OSBPL10: variants seen among roughly 807,000 people sequenced by gnomAD.
The protein encoded by OSBPL10 is oxysterol binding protein like 10, also known as oxysterol-binding protein-related protein 10.
Under a neutral mutation model 81.7 loss-of-function variants are expected in OSBPL10, and 49 were observed. That is an observed-to-expected ratio of 0.60 (90% confidence interval 0.48 to 0.76). The LOEUF (loss-of-function observed/expected upper bound fraction) is 0.76, where lower values mean the gene tolerates loss of function less well. Ranked by LOEUF, OSBPL10 falls within the 30% of genes least tolerant of loss-of-function variation. OSBPL10 has a pLI of 0.00. For missense variants in OSBPL10, 923 were observed against 987.8 expected, an observed-to-expected ratio of 0.93 and a Z score of 0.88; for synonymous variants, 419 against 383.6, an observed-to-expected ratio of 1.09 and a Z score of -1.08.
intron 2 of OSBPL10, among the ~76,000 whole-genome samples, chr3:32,021,938 C>T (rs926392007): frequency 6.1e-5 from 9 of 148,718 alleles, no homozygotes; most frequent in Admixed American, 1.3e-4. Context: ...CATGGTCGTG[C>T]TACTGCACTC....
At chr3:31,874,765 C>A (rs1043574435) in intron 3 of OSBPL10, among the ~76,000 whole-genome samples, 3 of 152,032 alleles carry the variant, frequency 2.0e-5, no homozygotes, top group African/African-American at 7.2e-5. Context: ...GTACAAATAA[C>A]GGCAACCGTT....
At chr3:31,831,787 G>T (rs1355451303) in intron 3 of OSBPL10, among the ~76,000 whole-genome samples, 1 of 152,096 alleles carries the variant, frequency 6.6e-6, no homozygotes, top group African/African-American at 2.4e-5. Flanking sequence ...AGGTAAAAAA[G>T]GTGGCAAAAC....
intron 3 of OSBPL10, among the ~76,000 whole-genome samples, chr3:31,843,655 T>C (rs1003218990): frequency 4.6e-5 from 7 of 152,172 alleles, no homozygotes; most frequent in African/African-American, 1.4e-4. Context: ...CCCCAATTTA[T>C]TCTCTCTATA....
At chr3:31,725,609 A>T (rs17028131) in intron 6 of OSBPL10, among the ~76,000 whole-genome samples, 14,869 of 152,252 alleles carry the variant, frequency 0.098, 1,794 homozygotes, top group African/African-American at 0.29. Context: ...TCAAGGCCAC[A>T]GATGAGGAAT....
chr3:31,792,858 CTCTGTGTGTGTGTGTGTGTGTGTGTGTG>C (rs1699064628), intron 4 of OSBPL10, among the ~76,000 whole-genome samples: 1 of 85,952 alleles, frequency 1.2e-5, no homozygotes, highest in African/African-American at 4.1e-5. Context: ...TATCTAGGCA[CTCTGTGTGTGTGTGTGTGTGTGTGTGTG>C]TGTGTGTGTG....
At position 31,660,974 on chromosome 3, in the gene OSBPL10, ATAAAT is replaced by A. The variant is rs1027135297; in HGVS notation, c.*1093_*1097del. 4.6e-5 allele frequency: 7 copies of A among 152,726 alleles called. No homozygotes were observed. Among genetic ancestry groups the A allele is most frequent in the African/African-American group, 1.2e-4 (5 of 41,598 alleles). The allele number at this position is 152,726 out of a possible 1,614,324, so 9.5% of individuals were successfully genotyped here. ...AAATATTGGAGTGGCACAGTAAAAAATAAATTAAGCATTCAGCAAAAACCAGATAT... is the reference window on the plus strand; with the variant it reads ...AAATATTGGAGTGGCACAGTAAAAAATAAGCATTCAGCAAAAACCAGATAT... On this transcript the variant is annotated 3_prime_UTR_variant, in exon 12 of 12. Transcript: ENST00000396556.
At chr3:31,978,851 C>G (rs1439437002) in intron 1 of OSBPL10, among the ~76,000 whole-genome samples, 2 of 152,222 alleles carry the variant, frequency 1.3e-5, no homozygotes, top group East Asian at 3.8e-4. Flanking sequence ...TGTGCTTCTT[C>G]TCAACCTTGC....
chr3:31,723,070 G>A (rs563673711), intron 6 of OSBPL10, among the ~76,000 whole-genome samples: 4 of 152,186 alleles, frequency 2.6e-5, no homozygotes, highest in Admixed American at 6.5e-5. Flanking sequence ...CTTCTCCTTC[G>A]CATGGCTGTA....
chr3:32,010,583 G>A (rs556187798), intron 2 of OSBPL10, among the ~76,000 whole-genome samples: 131 of 152,258 alleles, frequency 8.6e-4, no homozygotes, highest in African/African-American at 1.7e-3. Flanking sequence ...GGGGATTGTC[G>A]GACAGTGGGT....
At chr3:31,696,908 T>C (rs1208175451) in intron 7 of OSBPL10, among the ~76,000 whole-genome samples, 3 of 152,232 alleles carry the variant, frequency 2.0e-5, no homozygotes, top group Non-Finnish European at 2.9e-5. Flanking sequence ...TCAGACCTAA[T>C]CAGATCCAAG....
chr3:32,025,532 A>G (rs1699395256), intron 2 of OSBPL10, among the ~76,000 whole-genome samples: 1 of 152,150 alleles, frequency 6.6e-6, no homozygotes, highest in South Asian at 2.1e-4. Context: ...TGAGCTGGGA[A>G]GTGTTCCTTC....
chr3:31,870,849 C>G (rs574960023), intron 3 of OSBPL10, among the ~76,000 whole-genome samples: 1 of 152,224 alleles, frequency 6.6e-6, no homozygotes, highest in Non-Finnish European at 1.5e-5. Context: ...AATCAGCACC[C>G]TGTGTCTAGC....
chr3:32,008,474 A>G (rs186018618), intron 2 of OSBPL10, among the ~76,000 whole-genome samples: 136 of 152,058 alleles, frequency 8.9e-4, no homozygotes, highest in African/African-American at 3.1e-3. Flanking sequence ...TCCATCATTA[A>G]AAAGAATGAA....
rs185874945 is a variant in OSBPL10 at position 32,038,845 on chromosome 3, T to A, written n.298+7646A>T. Among the ~76,000 whole-genome samples the A allele has an allele frequency of 3.5e-3, 531 of 152,174 alleles. 1 individual carries two copies. Among genetic ancestry groups the A allele is most frequent in the Non-Finnish European group, 5.4e-3 (367 of 68,012 alleles). On this transcript the variant is annotated intron_variant and non_coding_transcript_variant, in intron 2 of 3. Transcript: ENST00000479173. ...TTTAAGTAGGAAAATTATAACCTAA[T>A]AAAGCAGTTCCGAAAAGCAAATCCT...
intron 2 of OSBPL10, among the ~76,000 whole-genome samples, chr3:32,005,590 G>A (rs1478775993): frequency 6.6e-6 from 1 of 151,910 alleles, no homozygotes; most frequent in Non-Finnish European, 1.5e-5. Context: ...GGTTTTTTTT[G>A]TTGTTGCTTT....
chr3:31,913,866 A>G (rs1466175366), intron 1 of OSBPL10, among the ~76,000 whole-genome samples: 1 of 152,220 alleles, frequency 6.6e-6, no homozygotes, highest in Non-Finnish European at 1.5e-5. Context: ...TCGGAGAACC[A>G]AGAACTAACC....
intron 1 of OSBPL10, among the ~76,000 whole-genome samples, chr3:32,073,588 C>T (rs1407043357): frequency 6.6e-6 from 1 of 152,174 alleles, no homozygotes; most frequent in African/African-American, 2.4e-5. Flanking sequence ...GAGCCTAATA[C>T]ATCCCTTCAT....
chr3:31,970,435 G>T (rs1051058518), intron 1 of OSBPL10, among the ~76,000 whole-genome samples: 1 of 152,204 alleles, frequency 6.6e-6, no homozygotes, highest in Admixed American at 6.5e-5. Flanking sequence ...AACAGGAAAG[G>T]AAAAGGTAAG....
chr3:31,748,003 C>T lies in OSBPL10; in HGVS notation c.847G>A (p.Ala283Thr). Residue 283 changes from alanine to threonine, a missense_variant, in exon 5 of 12, where the codon GCT (alanine) becomes ACT (threonine). Physicochemically the swap from Ala to Thr is moderately conservative, Grantham distance 58 (BLOSUM62 0). This residue lies in a region of OSBPL10 where 514 missense variants were observed against 508.0 expected (regional missense o/e 1.01). Transcript: ENST00000396556. ...TCCCCAAGGCAGCTGAGGGTGGCAG[C>T]AGAGGTAGCTTTCAGGAGCAGCAGG... is the stretch of plus-strand genomic sequence containing the variant. ...QDLLLLKATS[A>T]ATLSCLGECL... 1 of 1,614,166 alleles carries T rather than the reference C, an allele frequency of 6.2e-7. No homozygotes were observed. Among genetic ancestry groups the T allele is most frequent in the Non-Finnish European group, 8.5e-7 (1 of 1,180,028 alleles).
Sources: allele counts gnomAD v4.1 joint callset (sites outside exome capture counted in the v4.1 genomes callset), GRCh38; gene constraint gnomAD v4.1.1; regional missense constraint gnomAD v4.1.1; transcripts MANE v1.5; gene names NCBI Gene and HGNC (gene_info 2026-07-23, HGNC 2026-07-21).